Variants in ATP9B observed in about 807,000 individuals in gnomAD.
The protein encoded by ATP9B is ATPase phospholipid transporting 9B.
ATP9B carries 110 observed loss-of-function variants against 146.1 expected under a neutral mutation model. That is an observed-to-expected ratio of 0.75 (90% CI 0.65 to 0.88). ATP9B has a LOEUF of 0.88. Ranked by LOEUF, ATP9B falls within the 40% of genes least tolerant of loss-of-function variation. The pLI, the probability that ATP9B is intolerant of heterozygous loss-of-function variation, is 0.00. For missense variants in ATP9B, 1,499 were observed against 1,496.4 expected, an observed-to-expected ratio of 1.00 and a Z score of -0.03; for synonymous variants, 604 against 569.7, an observed-to-expected ratio of 1.06 and a Z score of -0.86.
Position 79,345,580 on chromosome 18 carries a change from C to T in ATP9B, c.2617+8C>T. On this transcript the variant is annotated splice_region_variant and intron_variant, in intron 22 of 29. Coordinates refer to ENST00000426216, the MANE Select transcript of ATP9B (RefSeq NM_198531.5). ...GACGCACCTGCGCCATCGGTGAGAG[C>T]CGCCCACCCTGCTCACAGGGAGGTC... The T allele has an allele frequency of 6.2e-7, 1 of 1,605,046 alleles. No homozygotes were observed. Among genetic ancestry groups the T allele is most frequent in the Non-Finnish European group, 8.5e-7 (1 of 1,178,360 alleles).
chr18:79,084,872 T>C (rs2073654958), intron 1 of ATP9B, among the ~76,000 whole-genome samples: 1 of 152,182 alleles, frequency 6.6e-6, no homozygotes, highest in South Asian at 2.1e-4. Context: ...TTAAAACTTG[T>C]ATAAAAATTT....
chr18:79,259,181 A>G (rs2096115007), intron 12 of ATP9B, among the ~76,000 whole-genome samples: 1 of 152,258 alleles, frequency 6.6e-6, no homozygotes, highest in South Asian at 2.1e-4. Flanking sequence ...AAAATATTAT[A>G]GTATTTAACG....
intron 22 of ATP9B, 49 bp from the exon 23 acceptor site, chr18:79,345,726 C>T (rs577965422): frequency 4.0e-5 from 64 of 1,609,968 alleles, no homozygotes; most frequent in Non-Finnish European, 4.7e-5. Flanking sequence ...AAATGAAAAA[C>T]GTGATGATGG....
At chr18:79,120,604 G>A (rs531535983) in intron 4 of ATP9B, among the ~76,000 whole-genome samples, 11 of 152,238 alleles carry the variant, frequency 7.2e-5, no homozygotes, top group South Asian at 6.2e-4. Context: ...TCAGCTTTCA[G>A]AACAATTCTT....
intron 7 of ATP9B, among the ~76,000 whole-genome samples, chr18:79,168,835 G>A (rs2095025838): frequency 6.6e-6 from 1 of 152,008 alleles, no homozygotes; most frequent in South Asian, 2.1e-4. Flanking sequence ...CAGTCTTTGG[G>A]AGGTATTTTC....
At chr18:79,144,515 T>C (rs550197629) in intron 6 of ATP9B, among the ~76,000 whole-genome samples, 19 of 152,282 alleles carry the variant, frequency 1.2e-4, no homozygotes, top group Non-Finnish European at 2.2e-4. Flanking sequence ...ATAGGGCTCT[T>C]GCTCCTGTGA....
chr18:79,206,387 G>C (rs948116899), intron 9 of ATP9B, among the ~76,000 whole-genome samples: 2 of 152,160 alleles, frequency 1.3e-5, no homozygotes, highest in African/African-American at 4.8e-5. Flanking sequence ...ACAAGAGATA[G>C]AGAGAGGAAA....
At position 79,375,383 on chromosome 18, in the gene ATP9B, T is replaced by C. The variant is rs1384698114; in HGVS notation, c.3275-11T>C. 5.6e-6 allele frequency: 9 copies of C among 1,607,550 alleles called. No individual in the cohort carries two copies. Among genetic ancestry groups the C allele is most frequent in the African/African-American group, 1.3e-5 (1 of 74,846 alleles). ...CTGTCCTTTATTTTCTTTATTACTG[T>C]TTTGGAACAGGTATAGGCAGAGTGT... On this transcript the variant is annotated splice_polypyrimidine_tract_variant and intron_variant, in intron 28 of 29. Transcript: ENST00000426216.
chr18:79,203,381 A>C (rs2095506190), intron 9 of ATP9B, among the ~76,000 whole-genome samples: 1 of 152,164 alleles, frequency 6.6e-6, no homozygotes, highest in Non-Finnish European at 1.5e-5. Flanking sequence ...GCTTAGAGTA[A>C]CAGCAGGCAG....
chr18:79,178,115 C>G (rs1425908364), intron 8 of ATP9B, among the ~76,000 whole-genome samples: 2 of 152,066 alleles, frequency 1.3e-5, no homozygotes, highest in Non-Finnish European at 2.9e-5. Flanking sequence ...AGTTATATGT[C>G]AGGGAGCAGC....
At chr18:79,354,347 GA>G (rs1413658469) in intron 25 of ATP9B, 1 of 152,168 alleles carries the variant, frequency 6.6e-6, no homozygotes, top group East Asian at 1.9e-4. Flanking sequence ...GCCGAGTTGG[GA>G]AGATTTCTTG....
intron 13 of ATP9B, among the ~76,000 whole-genome samples, chr18:79,281,450 T>G (rs971553318): frequency 1.3e-5 from 2 of 151,632 alleles, no homozygotes; most frequent in Non-Finnish European, 2.9e-5. Context: ...TGAGGCGAGA[T>G]CACGCCATTG....
intron 11 of ATP9B, among the ~76,000 whole-genome samples, chr18:79,251,713 G>A (rs986910639): frequency 5.3e-5 from 8 of 152,174 alleles, no homozygotes; most frequent in Admixed American, 3.9e-4. Context: ...TATGAGTTGT[G>A]GGAAAAGGCT....
chr18:79,368,811 G>A (rs557173486), intron 26 of ATP9B, among the ~76,000 whole-genome samples: 36 of 151,810 alleles, frequency 2.4e-4, no homozygotes, highest in Middle Eastern at 3.4e-3. Flanking sequence ...AGCATACTCC[G>A]TCGTTGGCAC....
intron 11 of ATP9B, among the ~76,000 whole-genome samples, chr18:79,243,042 G>T (rs1214234622): frequency 6.6e-6 from 1 of 152,174 alleles, no homozygotes; most frequent in Non-Finnish European, 1.5e-5. Flanking sequence ...TTCAAAGTTA[G>T]CTATTAGACT....
intron 12 of ATP9B, among the ~76,000 whole-genome samples, chr18:79,267,587 C>T (rs924796885): frequency 6.6e-5 from 10 of 151,974 alleles, no homozygotes; most frequent in East Asian, 1.9e-4. Flanking sequence ...ATTTTAATTT[C>T]GACGTGATTT....
intron 15 of ATP9B, among the ~76,000 whole-genome samples, chr18:79,308,011 A>G (rs1302022932): frequency 6.6e-6 from 1 of 152,168 alleles, no homozygotes; most frequent in Non-Finnish European, 1.5e-5. Flanking sequence ...GAAAACAAAA[A>G]GAAAAAAATC....
intron 10 of ATP9B, among the ~76,000 whole-genome samples, chr18:79,211,132 C>G (rs1415033121): frequency 6.6e-6 from 1 of 152,138 alleles, no homozygotes; most frequent in African/African-American, 2.4e-5. Flanking sequence ...ATTGAGTGGA[C>G]TACTTGTTTG....
At chr18:79,364,640 ACCT>A (rs371868343) in intron 26 of ATP9B, among the ~76,000 whole-genome samples, 375 of 152,340 alleles carry the variant, frequency 2.5e-3, no homozygotes, top group African/African-American at 8.8e-3. Flanking sequence ...AATATGCATG[ACCT>A]TGGGTTAAGC....
Sources: allele counts gnomAD v4.1 joint callset (sites outside exome capture counted in the v4.1 genomes callset), GRCh38; gene constraint gnomAD v4.1.1; transcripts MANE v1.5; gene names NCBI Gene and HGNC (gene_info 2026-07-23, HGNC 2026-07-21).